FNDC3A: variants seen among roughly 807,000 people sequenced by gnomAD.
FNDC3A encodes the protein fibronectin type III domain containing 3A, also known as fibronectin type-III domain-containing protein 3A.
FNDC3A carries 32 observed loss-of-function variants against 148.9 expected under a neutral mutation model. The observed-to-expected ratio is 0.21, with a 90% CI of 0.16 to 0.29. The LOEUF (loss-of-function observed/expected upper bound fraction) is 0.29. FNDC3A is among the 10% of genes least tolerant of loss of function. FNDC3A has a pLI of 1.00. For missense variants in FNDC3A, 1,191 were observed against 1,452.8 expected (o/e 0.82, Z 2.93); for synonymous variants, 472 against 473.6 (o/e 1.00, Z 0.04).
chr13:49,190,249 G>A (rs924883399), intron 17 of FNDC3A, among the ~76,000 whole-genome samples: 2 of 152,112 alleles, frequency 1.3e-5, no homozygotes, highest in Non-Finnish European at 2.9e-5. Context: ...TATAAATATA[G>A]CATAGAAACT....
chr13:49,068,137 C>T (rs1228083769), intron 2 of FNDC3A, among the ~76,000 whole-genome samples: 1 of 151,222 alleles, frequency 6.6e-6, no homozygotes, highest in African/African-American at 2.4e-5. Context: ...AGTTTGAGAC[C>T]AGCCTGGGCA....
intron 8 of FNDC3A, among the ~76,000 whole-genome samples, chr13:49,150,056 C>G (rs777440565): frequency 1.3e-5 from 2 of 151,320 alleles, no homozygotes; most frequent in Non-Finnish European, 3.0e-5. Context: ...TATTTGGGTC[C>G]CCTTTCTTCT....
chr13:49,105,639 A>T (rs1880127524), intron 3 of FNDC3A, among the ~76,000 whole-genome samples: 1 of 152,220 alleles, frequency 6.6e-6, no homozygotes, highest in Non-Finnish European at 1.5e-5. Flanking sequence ...ACATGTCCAA[A>T]TCTGAATACC....
rs1884923630 is a variant in FNDC3A at position 49,174,460 on chromosome 13, A to G, written c.1256A>G (p.Gln419Arg). The change falls in exon 12 of 26, where the codon CAG (glutamine) becomes CGG (arginine). Residue 419 changes from glutamine to arginine, a missense_variant. By Grantham distance (43) the Gln-to-Arg change is conservative. This residue lies in a region of FNDC3A where 751 missense variants were observed against 944.0 expected (regional missense o/e 0.80). Coordinates refer to ENST00000492622, the MANE Select transcript of FNDC3A (RefSeq NM_001079673.2). Reference sequence around the variant, plus strand: ...GGAAAAGGAAATGGAGAATTTTGTCAGTGTTACATGGGCTCACAGAAACAA... The same window carrying G: ...GGAAAAGGAAATGGAGAATTTTGTCGGTGTTACATGGGCTCACAGAAACAA... ...DEGKGNGEFC[Q>R]CYMGSQKQFK... The G allele has an allele frequency of 4.3e-6, 7 of 1,611,468 alleles. No individual in the cohort carries two copies. Among genetic ancestry groups the G allele is most frequent in the South Asian group, 2.2e-5 (2 of 90,956 alleles).
At chr13:49,053,587 G>A (rs1441829509) in intron 2 of FNDC3A, among the ~76,000 whole-genome samples, 3 of 152,128 alleles carry the variant, frequency 2.0e-5, no homozygotes, top group South Asian at 2.1e-4. Context: ...GTGTTGGGGG[G>A]TGGCTTATAG....
chr13:49,052,855 T>C (rs3012124), intron 2 of FNDC3A, among the ~76,000 whole-genome samples: 149,771 of 152,284 alleles, frequency 0.98, 73,679 homozygotes, highest in South Asian at 1. Context: ...CAGGGATAGG[T>C]ATGTCCGAGC....
At chr13:49,064,609 C>T (rs974129333) in intron 2 of FNDC3A, among the ~76,000 whole-genome samples, 6 of 152,066 alleles carry the variant, frequency 3.9e-5, no homozygotes, top group African/African-American at 1.4e-4. Flanking sequence ...GAGGATACGT[C>T]ATCACATGTA....
intron 19 of FNDC3A, 102 bp from the exon 20 acceptor site, chr13:49,196,774 AG>A: frequency 1.9e-6 from 1 of 531,612 alleles, no homozygotes; most frequent in Admixed American, 3.7e-5. Flanking sequence ...CTTGAAACAC[AG>A]GGAAAAGACT....
intron 17 of FNDC3A, among the ~76,000 whole-genome samples, chr13:49,190,094 A>C (rs1457869080): frequency 6.6e-6 from 1 of 151,808 alleles, no homozygotes; most frequent in Non-Finnish European, 1.5e-5. Flanking sequence ...CACCATGTTA[A>C]CCAGGATGGT....
intron 1 of FNDC3A, among the ~76,000 whole-genome samples, chr13:48,981,678 A>G (rs546602894): frequency 2.0e-5 from 3 of 152,204 alleles, no homozygotes; most frequent in East Asian, 1.9e-4. Flanking sequence ...ATTGACTTCC[A>G]TATCTCTTTC....
At chr13:49,139,716 A>G (rs1006106667) in intron 7 of FNDC3A, among the ~76,000 whole-genome samples, 4 of 152,198 alleles carry the variant, frequency 2.6e-5, no homozygotes, top group African/African-American at 7.2e-5. Context: ...AATTTACACA[A>G]TTATTTCATA....
chr13:49,142,772 T>G (rs184108097), intron 7 of FNDC3A, among the ~76,000 whole-genome samples: 70 of 152,346 alleles, frequency 4.6e-4, no homozygotes, highest in African/African-American at 1.6e-3. Context: ...TCTTTAAGAT[T>G]CAATTCAAAA....
intron 1 of FNDC3A, among the ~76,000 whole-genome samples, chr13:48,997,127 A>T (rs1281289843): frequency 6.6e-6 from 1 of 151,928 alleles, no homozygotes; most frequent in South Asian, 2.1e-4. Flanking sequence ...TCCTATCAGT[A>T]CTTCAGTTAT....
intron 2 of FNDC3A, among the ~76,000 whole-genome samples, chr13:49,048,559 T>C (rs1199711715): frequency 1.3e-5 from 2 of 152,132 alleles, no homozygotes; most frequent in African/African-American, 2.4e-5. Flanking sequence ...TACTCCTAAG[T>C]GTTTTATATT....
chr13:48,992,503 A>G (rs1375086941), intron 1 of FNDC3A, among the ~76,000 whole-genome samples: 1 of 152,194 alleles, frequency 6.6e-6, no homozygotes, highest in Non-Finnish European at 1.5e-5. Flanking sequence ...GTCAACCAAA[A>G]ATATACCTGG....
intron 8 of FNDC3A, among the ~76,000 whole-genome samples, chr13:49,159,078 GC>G (rs1883915495): frequency 6.6e-6 from 1 of 152,130 alleles, no homozygotes; most frequent in African/African-American, 2.4e-5. Context: ...TGTTCTTTTG[GC>G]TTAGGATTGT....
intron 3 of FNDC3A, among the ~76,000 whole-genome samples, chr13:49,101,024 T>C (rs1879825928): frequency 1.3e-5 from 2 of 152,156 alleles, no homozygotes; most frequent in Admixed American, 6.6e-5. Flanking sequence ...TGGTGAGATA[T>C]GCAGGTTGAT....
intron 1 of FNDC3A, among the ~76,000 whole-genome samples, chr13:48,993,765 T>A (rs1414540229): frequency 6.6e-6 from 1 of 152,204 alleles, no homozygotes. Context: ...TATGGGTGTT[T>A]GCTGTTCAGT....
intron 3 of FNDC3A, among the ~76,000 whole-genome samples, chr13:49,094,375 A>G (rs1593581614): frequency 2.0e-5 from 3 of 152,124 alleles, no homozygotes; most frequent in South Asian, 4.1e-4. Context: ...AAATTCAGCC[A>G]TGGTAAGCAG....
Sources: allele counts gnomAD v4.1 joint callset (sites outside exome capture counted in the v4.1 genomes callset), GRCh38; gene constraint gnomAD v4.1.1; regional missense constraint gnomAD v4.1.1; transcripts MANE v1.5; gene names NCBI Gene and HGNC (gene_info 2026-07-23, HGNC 2026-07-21).